The following UCKL1 variants were observed in gnomAD, a reference collection of about 807,000 sequenced individuals.
UCKL1 encodes uridine-cytidine kinase-like 1.
In UCKL1, 65 loss-of-function variants were observed where a neutral mutation model predicts 59.2. The ratio of observed to expected loss-of-function variants is 1.10; its 90% CI spans 0.90 to 1.35. The LOEUF (loss-of-function observed/expected upper bound fraction) is 1.35. Ranked by LOEUF, UCKL1 falls within the 40% of genes most tolerant of loss-of-function variation. The pLI, the probability that UCKL1 is intolerant of heterozygous loss-of-function variation, is 0.00. For synonymous variants in UCKL1, 410 were observed against 323.1 expected (o/e 1.27, Z -2.88); for missense variants, 703 against 784.3 (o/e 0.90, Z 1.24).
Position 63,940,402 on chromosome 20 carries a change from G to C in UCKL1, c.1386C>G (p.Ala462=). ...MDCTVSTGAA[A]MMAVRVLLDH... ...CCAGGAGCACGCGCACTGCCATCAT[G>C]GCCGCCGCGCCCGTGGACACGGTGC... Residue 462 remains alanine (A), a synonymous_variant, in exon 13 of 15, where the codon GCC becomes GCG. Transcript: ENST00000354216. The C allele has an allele frequency of 6.2e-7, 1 of 1,611,784 alleles. No individual in the cohort carries two copies.
At chr20:63,950,445 CAGAGG>C (rs1396948379) in intron 1 of UCKL1, among the ~76,000 whole-genome samples, 2 of 152,146 alleles carry the variant, frequency 1.3e-5, no homozygotes, top group Non-Finnish European at 2.9e-5. Flanking sequence ...TAAATAAAAA[CAGAGG>C]AGAAAGTTGC....
intron 1 of UCKL1, among the ~76,000 whole-genome samples, chr20:63,952,234 T>C (rs1182397318): frequency 6.6e-6 from 1 of 152,192 alleles, no homozygotes; most frequent in Non-Finnish European, 1.5e-5. Context: ...GCCATGCCAC[T>C]GGCTGGGCTG....
chr20:63,949,535 C>T (rs908366760), intron 1 of UCKL1, among the ~76,000 whole-genome samples: 6 of 152,194 alleles, frequency 3.9e-5, no homozygotes, highest in Non-Finnish European at 7.4e-5. Context: ...GGGTCACCCC[C>T]GGGGCCACCC....
In UCKL1 at chr20:63,940,265, C is replaced by T; in HGVS notation, c.1452G>A (p.Leu484=). ...VPEDKIFLLS[L]LMAEMGVHSV... ...AGTGCACGCCCATCTCTGCCATGAG[C>T]AGCGACAGCAAAAAGATCTTGTCCT... The change falls in exon 14 of 15, where the codon CTG becomes CTA. Residue 484 remains leucine, a synonymous_variant. Coordinates refer to ENST00000354216, the MANE Select transcript of UCKL1 (RefSeq NM_017859.4). 4 of 1,612,744 alleles carry T rather than the reference C, an allele frequency of 2.5e-6. No individual in the cohort carries two copies. The highest frequency in any genetic ancestry group is 3.4e-6 in the Non-Finnish European group (4 of 1,179,998).
At chr20:63,953,212 T>C (rs1453032856) in intron 1 of UCKL1, among the ~76,000 whole-genome samples, 1 of 152,150 alleles carries the variant, frequency 6.6e-6, no homozygotes, top group Non-Finnish European at 1.5e-5. Flanking sequence ...AAACCCTGTC[T>C]CTACTAAAAA....
At chr20:63,956,046 C>T (rs1457378161) in intron 1 of UCKL1, 1 of 441,904 alleles carries the variant, frequency 2.3e-6, no homozygotes, top group Non-Finnish European at 4.0e-6. Flanking sequence ...TTCCCCGAGC[C>T]CCGAGGAGCC....
At chr20:63,944,818 C>T (rs1330285956) in intron 5 of UCKL1, 84 bp from the exon 6 acceptor site, 1 of 1,524,346 alleles carries the variant, frequency 6.6e-7, no homozygotes, top group East Asian at 2.3e-5. Context: ...ACTGAGGCCG[C>T]CTGGTCCGTG....
intron 1 of UCKL1, chr20:63,951,042 G>A: frequency 8.2e-7 from 1 of 1,226,630 alleles, no homozygotes; most frequent in Non-Finnish European, 1.0e-6. Context: ...GGTGGCTGGG[G>A]TGAGACCCTT....
intron 8 of UCKL1, 59 bp downstream of exon 8, chr20:63,943,594 G>A: frequency 6.2e-7 from 1 of 1,611,540 alleles, no homozygotes. Context: ...CCAGACCCCA[G>A]AGCTCCTTGG....
intron 8 of UCKL1, chr20:63,942,321 A>G (rs2427570): frequency 0.011 from 6,407 of 587,818 alleles, 45 homozygotes; most frequent in Admixed American, 0.052. Flanking sequence ...GCGGGGCCGG[A>G]AATGGGGTGT....
intron 8 of UCKL1, 186 bp from the exon 9 acceptor site, chr20:63,941,394 G>A (rs2054353870): frequency 1.1e-6 from 1 of 890,836 alleles, no homozygotes; most frequent in Non-Finnish European, 1.7e-6. Context: ...TGAGCTGTCA[G>A]GCAAAGGCGA....
At chr20:63,951,194 G>A (rs2057535281) in intron 1 of UCKL1, 1 of 1,017,660 alleles carries the variant, frequency 9.8e-7, no homozygotes, top group Non-Finnish European at 1.2e-6. Context: ...ACCCAGCTGG[G>A]GGCTTGTGTA....
chr20:63,953,434 G>A, intron 1 of UCKL1: 1 of 152,504 alleles, frequency 6.6e-6, no homozygotes. Flanking sequence ...GGGTGCAGTG[G>A]CTCACGCCTG....
chr20:63,945,853 G>C lies in UCKL1; in HGVS notation c.534C>G (p.Val178=). ...TLKKLKQGKS[V]KVPIYDFTTH... is the part of the protein sequence containing the mutation. ...TGGTGAAGTCATAAATGGGCACCTTGACACTCTTCCCCTGCTTCAGCTTCT... is the reference window on the plus strand; with the variant it reads ...TGGTGAAGTCATAAATGGGCACCTTCACACTCTTCCCCTGCTTCAGCTTCT... Residue 178 remains valine, a synonymous_variant, in exon 4 of 15, where the codon GTC becomes GTG. Coordinates refer to ENST00000354216, the MANE Select transcript of UCKL1 (RefSeq NM_017859.4). The C allele has an allele frequency of 4.3e-6, 7 of 1,613,720 alleles. No homozygotes were observed. Among genetic ancestry groups the C allele is most frequent in the Non-Finnish European group, 5.9e-6 (7 of 1,179,974 alleles).
Position 63,945,884 on chromosome 20 carries a change from G to C in UCKL1, c.503C>G (p.Thr168Ser). ...CTTCCCCTGCTTCAGCTTCTTGAGGGTGGAAATGATGAGGTCGAAGTCAAA... is the reference window on the plus strand; with the variant it reads ...CTTCCCCTGCTTCAGCTTCTTGAGGCTGGAAATGATGAGGTCGAAGTCAAA... ...DAFDFDLIISTLKKLKQGKSV... is the reference protein window; with the variant it reads ...DAFDFDLIISSLKKLKQGKSV... Residue 168 changes from threonine to serine, a missense_variant, in exon 4 of 15, where the codon ACC becomes AGC. By Grantham distance (58) the Thr-to-Ser change is moderately conservative. Transcript: ENST00000354216. 1 of 1,613,882 alleles carries C rather than the reference G, an allele frequency of 6.2e-7. No homozygotes were observed. The highest frequency in any genetic ancestry group is 8.5e-7 in the Non-Finnish European group (1 of 1,180,006).
At chr20:63,951,869 G>T (rs551500489) in intron 1 of UCKL1, among the ~76,000 whole-genome samples, 2 of 152,314 alleles carry the variant, frequency 1.3e-5, no homozygotes, top group South Asian at 4.1e-4. Context: ...TGTGCACAGA[G>T]AAGTCCTGGC....
chr20:63,944,373 G>A (rs1343123535), intron 7 of UCKL1, 24 bp downstream of exon 7: 10 of 1,543,768 alleles, frequency 6.5e-6, no homozygotes, highest in East Asian at 4.8e-5. Flanking sequence ...GGGCTAGGCC[G>A]TGGGGACGTG....
At chr20:63,950,303 G>A (rs1306843233) in intron 1 of UCKL1, among the ~76,000 whole-genome samples, 1 of 152,218 alleles carries the variant, frequency 6.6e-6, no homozygotes, top group Non-Finnish European at 1.5e-5. Context: ...AGTTGGCCGG[G>A]TGTGGTGGCT....
At chr20:63,946,793 C>T in intron 1 of UCKL1, 150 bp from the exon 2 acceptor site, 1 of 787,242 alleles carries the variant, frequency 1.3e-6, no homozygotes, top group Non-Finnish European at 2.0e-6. Flanking sequence ...AGAACTCTGC[C>T]TGGGCTGGGC....
Sources: allele counts gnomAD v4.1 joint callset (sites outside exome capture counted in the v4.1 genomes callset), GRCh38; gene constraint gnomAD v4.1.1; transcripts MANE v1.5; gene names NCBI Gene and HGNC (gene_info 2026-07-23, HGNC 2026-07-21).